Variants in TMEM259 observed in about 807,000 individuals in gnomAD.
The protein encoded by TMEM259 is membralin.
A neutral mutation model predicts 46.7 loss-of-function variants in TMEM259; 26 were observed. The observed-to-expected ratio is 0.56, with a 90% CI of 0.41 to 0.77. The LOEUF is 0.77. TMEM259 is among the 30% of genes least tolerant of loss of function. The pLI, the probability that TMEM259 is intolerant of heterozygous loss-of-function variation, is 0.00. For synonymous variants in TMEM259, 494 were observed against 395.1 expected, an observed-to-expected ratio of 1.25 and a Z score of -2.97; for missense variants, 930 against 900.5, an observed-to-expected ratio of 1.03 and a Z score of -0.42.
At position 1,013,326 on chromosome 19, in the gene TMEM259, G is replaced by A. The variant is rs552968187; in HGVS notation, c.522C>T (p.Ile174=). ...GNSSIKFELD[I]EPKVFKPPSS... ...TCGGCGGCTTGAACACCTTGGGCTC[G>A]ATGTCCAGCTCAAACTGTGGGCGAC... Residue 174 remains isoleucine (I), a synonymous_variant, in exon 3 of 11, where the codon ATC becomes ATT. Transcript: ENST00000356663. The A allele has an allele frequency of 2.0e-5, 33 of 1,613,550 alleles. No homozygotes were observed. Among genetic ancestry groups the A allele is most frequent in the East Asian group, 1.6e-4 (7 of 44,878 alleles).
Position 1,011,394 on chromosome 19 carries a change from G to T in TMEM259, c.1190C>A (p.Thr397Asn). ...CAGCCAATGCCGCTTGCTGGTGCTG[G>T]TGTGGCAGCAGATGGCGTCATACTG... ...ADQYDAICCH[T>N]STSKRHWLRF... The change falls in exon 9 of 11, where the codon ACC (threonine) becomes AAC (asparagine). Residue 397 changes from threonine to asparagine, a missense_variant. By Grantham distance (65) the Thr-to-Asn change is moderately conservative. Transcript: ENST00000356663. 6.4e-7 allele frequency: 1 copy of T among 1,568,132 alleles called. No homozygotes were observed. Among genetic ancestry groups the T allele is most frequent in the Non-Finnish European group, 8.6e-7 (1 of 1,158,948 alleles).
rs112874324 is a variant in TMEM259, at chr19:1,012,413, G to A, written c.718+50C>T. On this transcript the variant is annotated intron_variant, in intron 4 of 10. Coordinates refer to ENST00000356663, the MANE Select transcript of TMEM259 (RefSeq NM_001033026.2). The stretch of plus-strand genomic sequence containing the variant: ...ACCAGCAGGAGGAGACCCGAGGGAG[G>A]AGGGGAGGCCCCGCCATGGAGCTCC... The A allele has an allele frequency of 8.2e-5, 126 of 1,538,380 alleles. No homozygotes were observed. In the African/African-American group the frequency reaches 1.3e-3, roughly 16 times the overall value.
chr19:1,016,675 C>T (rs577844390), intron 1 of TMEM259, among the ~76,000 whole-genome samples: 1 of 152,286 alleles, frequency 6.6e-6, no homozygotes, highest in Non-Finnish European at 1.5e-5. Flanking sequence ...CCTGGACCTG[C>T]TGAGGTCACA....
rs1454273962 is a variant in TMEM259, at chr19:1,009,788, G to C, written c.*562C>G. 1.9e-6 allele frequency: 1 copy of C among 535,424 alleles called. No individual in the cohort carries two copies. The highest frequency in any genetic ancestry group is 3.0e-6 in the Non-Finnish European group (1 of 328,018). 33.2% of individuals were successfully genotyped at this position (535,424 alleles called of 1,614,324 possible). The stretch of plus-strand genomic sequence containing the variant: ...GCCGGCCCACTCCATCCCCGAGTGG[G>C]ACTGGACCACGGCCCTGGCTGCTGC... On this transcript the variant is annotated 3_prime_UTR_variant, in exon 11 of 11. Coordinates refer to ENST00000356663, the MANE Select transcript of TMEM259 (RefSeq NM_001033026.2).
rs1290684873 is a variant in TMEM259, at chr19:1,020,943, G to A, written c.54C>T (p.Gly18=). The A allele has an allele frequency of 2.4e-6, 3 of 1,265,878 alleles. No individual in the cohort carries two copies. The highest frequency in any genetic ancestry group is 3.0e-6 in the Non-Finnish European group (3 of 1,005,430). 78.4% of individuals were successfully genotyped at this position (1,265,878 alleles called of 1,614,324 possible). The change falls in exon 1 of 11, where the codon GGC becomes GGT. Residue 18 remains glycine (G), a synonymous_variant. Transcript: ENST00000356663. The surrounding 1 kb of genome is among the most constrained non-coding windows in gnomAD (Gnocchi z 4.0). ...GCCCGCGCGCGGGGGCCGGGCCGCCGCCGCCGCCGTTGGGCCCGGGCCCCG... is the reference window on the plus strand; with the variant it reads ...GCCCGCGCGCGGGGGCCGGGCCGCCACCGCCGCCGTTGGGCCCGGGCCCCG... ...AAPGPGPNGG[G]GGPAPARGPR...
intron 2 of TMEM259, 97 bp downstream of exon 2, chr19:1,014,095 A>C (rs541536351): frequency 6.2e-6 from 9 of 1,451,204 alleles, no homozygotes; most frequent in Middle Eastern, 2.5e-4. Context: ...GAAAGTCAAG[A>C]ACCCCAACAT....
At position 1,011,924 on chromosome 19, in the gene TMEM259, A is replaced by G; in HGVS notation, c.910T>C (p.Tyr304His). 1 of 1,611,258 alleles carries G rather than the reference A, an allele frequency of 6.2e-7. No individual in the cohort carries two copies. The highest frequency in any genetic ancestry group is 8.5e-7 in the Non-Finnish European group (1 of 1,179,008). ...FVSMWMARTSYLAAFAIMVIF... is the reference protein window; with the variant it reads ...FVSMWMARTSHLAAFAIMVIF... ...ACCATGATGGCGAAGGCGGCCAGGT[A>G]GGACGTCCGCGCCATCCACATGCTC... is the stretch of plus-strand genomic sequence containing the variant. The change falls in exon 6 of 11, where the codon TAC (tyrosine) becomes CAC (histidine). Residue 304 changes from tyrosine (Y) to histidine (H), a missense_variant. Transcript: ENST00000356663.
rs1305729187 is a variant in TMEM259 at position 1,011,649 on chromosome 19, T to C, written c.1015A>G (p.Met339Val). 1 of 1,546,578 alleles carries C rather than the reference T, an allele frequency of 6.5e-7. No individual in the cohort carries two copies. Among genetic ancestry groups the C allele is most frequent in the Non-Finnish European group, 8.7e-7 (1 of 1,144,882 alleles). The change falls in exon 8 of 11, where the codon ATG becomes GTG. Residue 339 changes from methionine to valine, a missense_variant. Physicochemically the swap from Met to Val is conservative, Grantham distance 21 (BLOSUM62 1). Coordinates refer to ENST00000356663, the MANE Select transcript of TMEM259 (RefSeq NM_001033026.2). ...IFVFIVDLLQ[M>V]LEMNMAIAFP... ...GCGATGGCCATGTTCATCTCCAGCA[T>C]CTGCAGCAGGTCCACTGCGGGCACA...
At position 1,011,349 on chromosome 19, in the gene TMEM259, C is replaced by G. The variant is rs1212961363; in HGVS notation, c.1217+18G>C. 1 of 1,565,006 alleles carries G rather than the reference C, an allele frequency of 6.4e-7. No homozygotes were observed. Among genetic ancestry groups the G allele is most frequent in the Admixed American group, 1.8e-5 (1 of 54,398 alleles). On this transcript the variant is annotated intron_variant, in intron 9 of 10. Transcript: ENST00000356663. The stretch of plus-strand genomic sequence containing the variant: ...GCCCACCAGCACCCACTCCACCCTG[C>G]CCCCGCGCCACGCTCACCGCAGCCA...
chr19:1,013,208 C>A, intron 3 of TMEM259, 33 bp downstream of exon 3: 2 of 1,593,808 alleles, frequency 1.3e-6, no homozygotes, highest in Non-Finnish European at 1.7e-6. Flanking sequence ...GAGGCAACCC[C>A]GTGAGGCAGT....
At chr19:1,017,526 C>G (rs1008955618) in intron 1 of TMEM259, 1 of 398,232 alleles carries the variant, frequency 2.5e-6, no homozygotes, top group Non-Finnish European at 4.4e-6. Flanking sequence ...CAGGAGTCAC[C>G]CCACCCCTAT....
At chr19:1,016,610 G>A (rs983539583) in intron 1 of TMEM259, among the ~76,000 whole-genome samples, 1 of 152,242 alleles carries the variant, frequency 6.6e-6, no homozygotes, top group Non-Finnish European at 1.5e-5. Context: ...AGGGACGCAC[G>A]GCTGTTACCA....
rs369036492 is a variant in TMEM259 at position 1,011,679 on chromosome 19, G to A, written c.1001-16C>T. On this transcript the variant is annotated splice_polypyrimidine_tract_variant and intron_variant, in intron 7 of 10. Transcript: ENST00000356663. The stretch of plus-strand genomic sequence containing the variant: ...AGCAGGTCCACTGCGGGCACAGGGC[G>A]GCGGGCGCCCGGTGAGGGCCTGGAG... 14 of 1,539,436 alleles carry A rather than the reference G, an allele frequency of 9.1e-6. No homozygotes were observed. The highest frequency in any genetic ancestry group is 1.1e-5 in the Non-Finnish European group (13 of 1,141,228).
At position 1,010,792 on chromosome 19, in the gene TMEM259, G is replaced by A. The variant is rs762847651; in HGVS notation, c.1421C>T (p.Thr474Ile). The change falls in exon 11 of 11, where the codon ACC (threonine) becomes ATC (isoleucine). Residue 474 changes from threonine to isoleucine, a missense_variant. Physicochemically the swap from Thr to Ile is moderately conservative, Grantham distance 89. Coordinates refer to ENST00000356663, the MANE Select transcript of TMEM259 (RefSeq NM_001033026.2). ...LLQAPPLGPGTPTALPDDMNN... is the reference protein window; with the variant it reads ...LLQAPPLGPGIPTALPDDMNN... Reference sequence around the variant, plus strand: ...CATGTCATCGGGCAGCGCCGTGGGGGTCCCGGGGCCCAGTGGCGGCGCCTG... The same window carrying A: ...CATGTCATCGGGCAGCGCCGTGGGGATCCCGGGGCCCAGTGGCGGCGCCTG... 2.5e-6 allele frequency: 4 copies of A among 1,569,566 alleles called. No homozygotes were observed. Among genetic ancestry groups the A allele is most frequent in the Admixed American group, 1.8e-5 (1 of 55,794 alleles).
At chr19:1,018,995 A>C (rs2039199129) in intron 1 of TMEM259, among the ~76,000 whole-genome samples, 1 of 151,982 alleles carries the variant, frequency 6.6e-6, no homozygotes, top group Non-Finnish European at 1.5e-5. Context: ...CTCAAAAAAA[A>C]AAAAAAAAAA....
Position 1,011,732 on chromosome 19 carries a change from G to T in TMEM259, c.1000+9C>A. ...CGCCCGCCCCGCCCTGCGCCGGCGG[G>T]ACACTCACCGATGAAGACGAAGATC... is the stretch of plus-strand genomic sequence containing the variant. On this transcript the variant is annotated intron_variant, in intron 7 of 10. Transcript: ENST00000356663. The T allele has an allele frequency of 6.5e-7, 1 of 1,542,074 alleles. No individual in the cohort carries two copies. Among genetic ancestry groups the T allele is most frequent in the South Asian group, 1.2e-5 (1 of 83,868 alleles).
At position 1,010,320 on chromosome 19, in the gene TMEM259, C is replaced by T. The variant is rs1037151771; in HGVS notation, c.*30G>A. 1 of 1,441,038 alleles carries T rather than the reference C, an allele frequency of 6.9e-7. No individual in the cohort carries two copies. Among genetic ancestry groups the T allele is most frequent in the South Asian group, 1.4e-5 (1 of 69,818 alleles). 89.3% of individuals were successfully genotyped at this position (1,441,038 alleles called of 1,614,324 possible). On this transcript the variant is annotated 3_prime_UTR_variant, in exon 11 of 11. Transcript: ENST00000356663. ...GCTCGGGAAGGTCAGGCCCAGCCAG[C>T]AGGGGTCAGAGGCGGCTCAGCTGTG... is the stretch of plus-strand genomic sequence containing the variant.
chr19:1,015,494 C>G (rs892697222), intron 1 of TMEM259, among the ~76,000 whole-genome samples: 1 of 152,204 alleles, frequency 6.6e-6, no homozygotes. Context: ...TTCCAGGGAG[C>G]CCGCCTCACC....
At chr19:1,013,565 T>A (rs1214625560) in intron 2 of TMEM259, 1 of 511,094 alleles carries the variant, frequency 2.0e-6, no homozygotes, top group Non-Finnish European at 3.6e-6. Flanking sequence ...CTCTGAATCC[T>A]GAAGCTGAGG....
Sources: allele counts gnomAD v4.1 joint callset (sites outside exome capture counted in the v4.1 genomes callset), GRCh38; gene constraint gnomAD v4.1.1; non-coding constraint Gnocchi (gnomAD v3.1); transcripts MANE v1.5; gene names NCBI Gene and HGNC (gene_info 2026-07-23, HGNC 2026-07-21).